PAK1: variants seen among roughly 807,000 people sequenced by gnomAD.
PAK1 encodes the protein p21 (RAC1) activated kinase 1, also known as serine/threonine-protein kinase PAK 1.
A neutral mutation model predicts 67.4 loss-of-function variants in PAK1; 29 were observed. The observed-to-expected ratio is 0.43, with a 90% CI of 0.32 to 0.59. PAK1 has a LOEUF of 0.59. Among genes scored for constraint, PAK1 ranks in the 20% least tolerant of loss-of-function variants. The probability of loss-of-function intolerance (pLI) is 0.07; values close to 1 mark genes in which losing one functional copy is unlikely to be tolerated. For missense variants in PAK1, 337 were observed against 670.7 expected, an observed-to-expected ratio of 0.50 and a Z score of 5.50; for synonymous variants, 223 against 237.4, an observed-to-expected ratio of 0.94 and a Z score of 0.56.
At chr11:77,324,796 G>C (rs376891265) in intron 14 of PAK1, among the ~76,000 whole-genome samples, 14 of 149,530 alleles carry the variant, frequency 9.4e-5, no homozygotes, top group African/African-American at 3.3e-4. Context: ...GAGAGACAGA[G>C]AGAGAGAGAG....
chr11:77,442,548 A>T (rs1023238195), intron 1 of PAK1, among the ~76,000 whole-genome samples: 1 of 152,150 alleles, frequency 6.6e-6, no homozygotes, highest in African/African-American at 2.4e-5. Context: ...GAAGGAGTTC[A>T]TTCCAGCCCT....
the PAK1 span, among the ~76,000 whole-genome samples, chr11:77,494,525 G>A: frequency 6.6e-6 from 1 of 151,292 alleles, no homozygotes; most frequent in Non-Finnish European, 1.5e-5. Context: ...ACTGCACCTG[G>A]CCCATTTTTT....
chr11:77,457,971 C>T, intron 1 of PAK1, among the ~76,000 whole-genome samples: 1 of 152,166 alleles, frequency 6.6e-6, no homozygotes, highest in East Asian at 1.9e-4. Context: ...ATTTATTAGG[C>T]ATCTCTGATG....
At chr11:77,427,842 C>T (rs1243511560) in intron 1 of PAK1, among the ~76,000 whole-genome samples, 2 of 152,164 alleles carry the variant, frequency 1.3e-5, no homozygotes, top group East Asian at 1.9e-4. Flanking sequence ...TGTTATCTTC[C>T]TCACTGTATT....
At chr11:77,452,565 G>C (rs1254437553) in intron 1 of PAK1, among the ~76,000 whole-genome samples, 1 of 152,000 alleles carries the variant, frequency 6.6e-6, no homozygotes, top group African/African-American at 2.4e-5. Context: ...AACCCAACTA[G>C]TCTATGAGAA....
intron 5 of PAK1, among the ~76,000 whole-genome samples, chr11:77,371,632 A>ATC (rs1948441957): frequency 6.6e-6 from 1 of 152,210 alleles, no homozygotes; most frequent in Admixed American, 6.5e-5. Context: ...CACAAGTGGA[A>ATC]TCATCTGTTT....
chr11:77,512,357 G>A, the PAK1 span, among the ~76,000 whole-genome samples: 43 of 149,364 alleles, frequency 2.9e-4, no homozygotes, highest in African/African-American at 1.0e-3. Context: ...TTCTACCCCA[G>A]TATGTGGTCA....
intron 3 of PAK1, 30 bp downstream of exon 3, chr11:77,379,864 C>T (rs1949592475): frequency 1.4e-6 from 2 of 1,456,490 alleles, no homozygotes; most frequent in Middle Eastern, 1.8e-4. Flanking sequence ...CTCTAAAAGA[C>T]TAAAGACCTT....
chr11:77,494,027 T>G, the PAK1 span, among the ~76,000 whole-genome samples: 1 of 152,192 alleles, frequency 6.6e-6, no homozygotes, highest in African/African-American at 2.4e-5. Flanking sequence ...TTGGTGGAAG[T>G]GCAAACTGAC....
intron 1 of PAK1, among the ~76,000 whole-genome samples, chr11:77,410,529 A>C (rs1237851909): frequency 6.6e-6 from 1 of 152,170 alleles, no homozygotes; most frequent in African/African-American, 2.4e-5. Flanking sequence ...TAACCTACTA[A>C]TAATAAGAAA....
At position 77,379,805 on chromosome 11, in the gene PAK1, A is replaced by C. The variant is rs1316660548; in HGVS notation, c.291+89T>G. ...AATCAGGGTCTCAGGCAAAGATAGA[A>C]GCATCAGGAAGATGAGAAAGGGTTG... On this transcript the variant is annotated intron_variant, in intron 3 of 14. Coordinates refer to ENST00000356341, the MANE Select transcript of PAK1 (RefSeq NM_002576.5). 6.8e-6 allele frequency: 6 copies of C among 880,646 alleles called. No homozygotes were observed. The East Asian group carries it at 1.5e-4, about 22-fold the overall frequency. 54.6% of individuals were successfully genotyped at this position (880,646 alleles called of 1,614,324 possible).
intron 10 of PAK1, among the ~76,000 whole-genome samples, chr11:77,342,190 C>A (rs1194549419): frequency 2.6e-5 from 4 of 152,020 alleles, no homozygotes; most frequent in African/African-American, 9.7e-5. Flanking sequence ...TCACTGAATG[C>A]TCAGGTTAAT....
intron 1 of PAK1, among the ~76,000 whole-genome samples, chr11:77,445,981 T>G (rs1157235217): frequency 1.3e-5 from 2 of 152,210 alleles, no homozygotes; most frequent in African/African-American, 4.8e-5. Flanking sequence ...TCTCCAGTAC[T>G]TATCACAGTT....
chr11:77,327,365 T>A (rs1339657889), intron 14 of PAK1, among the ~76,000 whole-genome samples: 1 of 151,928 alleles, frequency 6.6e-6, no homozygotes, highest in Non-Finnish European at 1.5e-5. Context: ...AAGGAAAAAA[T>A]GTTAAGGGCA....
the PAK1 span, among the ~76,000 whole-genome samples, chr11:77,520,533 C>T: frequency 6.6e-6 from 1 of 152,136 alleles, no homozygotes; most frequent in African/African-American, 2.4e-5. Context: ...CAAACTTTTA[C>T]CCTCTTGCCA....
At chr11:77,428,058 A>T (rs924799632) in intron 1 of PAK1, among the ~76,000 whole-genome samples, 1 of 152,234 alleles carries the variant, frequency 6.6e-6, no homozygotes, top group African/African-American at 2.4e-5. Context: ...ATGAGGACGA[A>T]AGGTACCTTT....
intron 1 of PAK1, among the ~76,000 whole-genome samples, chr11:77,404,726 C>T (rs1375128561): frequency 1.3e-5 from 2 of 152,220 alleles, no homozygotes; most frequent in Non-Finnish European, 2.9e-5. Flanking sequence ...AGCCAATTCT[C>T]TCTTATCCCT....
intron 1 of PAK1, among the ~76,000 whole-genome samples, chr11:77,421,828 T>C (rs1955278934): frequency 6.6e-6 from 1 of 152,212 alleles, no homozygotes; most frequent in African/African-American, 2.4e-5. Context: ...TGGAGAATTC[T>C]ATAAGAACAT....
chr11:77,332,939 A>G, intron 13 of PAK1, 72 bp from the exon 14 acceptor site: 1 of 1,405,696 alleles, frequency 7.1e-7, no homozygotes, highest in South Asian at 1.2e-5. Context: ...TACAAGTTCT[A>G]GAAATATGGT....
Sources: allele counts gnomAD v4.1 joint callset (sites outside exome capture counted in the v4.1 genomes callset), GRCh38; gene constraint gnomAD v4.1.1; transcripts MANE v1.5; gene names NCBI Gene and HGNC (gene_info 2026-07-23, HGNC 2026-07-21).